Variants in TTC12 observed in about 807,000 individuals in gnomAD.
TTC12 encodes the protein tetratricopeptide repeat domain 12, also known as tetratricopeptide repeat protein 12.
A neutral mutation model predicts 90.1 loss-of-function variants in TTC12; 70 were observed. That is an observed-to-expected ratio of 0.78 (90% CI 0.64 to 0.95). The LOEUF (loss-of-function observed/expected upper bound fraction) is 0.95, where lower values mean the gene tolerates loss of function less well. Ranked by LOEUF, TTC12 falls within the 40% of genes least tolerant of loss-of-function variation. The pLI is 0.00. For synonymous variants in TTC12, 296 were observed against 311.5 expected, an observed-to-expected ratio of 0.95 and a Z score of 0.53; for missense variants, 819 against 846.1, an observed-to-expected ratio of 0.97 and a Z score of 0.40.
chr11:113,336,699 T>A (rs1948388115), intron 8 of TTC12, among the ~76,000 whole-genome samples: 2 of 152,224 alleles, frequency 1.3e-5, no homozygotes, highest in Non-Finnish European at 2.9e-5. Context: ...TACAGTTTTA[T>A]TCCATTGATC....
At chr11:113,363,967 G>T (rs1310311977) in intron 20 of TTC12, 40 bp downstream of exon 20, 3 of 1,413,882 alleles carry the variant, frequency 2.1e-6, no homozygotes, top group Non-Finnish European at 3.0e-6. Context: ...TGTCCCAGAG[G>T]TTCATCCACC....
intron 2 of TTC12, among the ~76,000 whole-genome samples, chr11:113,318,316 T>C (rs1039984720): frequency 1.1e-4 from 17 of 152,206 alleles, no homozygotes; most frequent in African/African-American, 3.9e-4. Context: ...CAAAATAGAC[T>C]GGCTGGCTTA....
chr11:113,359,998 G>C lies in TTC12; in HGVS notation c.1604G>C (p.Gly535Ala). The C allele has an allele frequency of 6.3e-7, 1 of 1,595,084 alleles. No individual in the cohort carries two copies. Among genetic ancestry groups the C allele is most frequent in the Non-Finnish European group, 8.5e-7 (1 of 1,170,384 alleles). Residue 535 changes from glycine to alanine, a missense_variant, in exon 18 of 22, where the codon GGA (glycine) becomes GCA (alanine). Physicochemically the swap from Gly to Ala is moderately conservative, Grantham distance 60. Coordinates refer to ENST00000529221, the MANE Select transcript of TTC12 (RefSeq NM_017868.4). Reference sequence around the variant, plus strand: ...TCTTTACTAAACAGCCAGGATGGAGGAATCCTGACAGTAAGTTTCTCCCAG... The same window carrying C: ...TCTTTACTAAACAGCCAGGATGGAGCAATCCTGACAGTAAGTTTCTCCCAG... ...CLSLLNSQDGGILTRAAGVLS... is the reference protein window; with the variant it reads ...CLSLLNSQDGAILTRAAGVLS...
At chr11:113,319,764 G>A (rs914661391) in intron 2 of TTC12, among the ~76,000 whole-genome samples, 9 of 151,932 alleles carry the variant, frequency 5.9e-5, no homozygotes, top group Admixed American at 1.3e-4. Context: ...GGAGGTTTTC[G>A]TGCTGGAAAG....
chr11:113,365,093 T>C (rs1382458700), intron 21 of TTC12, 33 bp downstream of exon 21: 4 of 1,596,094 alleles, frequency 2.5e-6, no homozygotes, highest in Non-Finnish European at 3.4e-6. Context: ...GGCTGACCTA[T>C]TGCAGAAAGA....
intron 14 of TTC12, 118 bp downstream of exon 14, chr11:113,350,283 A>G: frequency 2.7e-6 from 2 of 747,476 alleles, no homozygotes; most frequent in Non-Finnish European, 4.4e-6. Flanking sequence ...GAGTATTGCA[A>G]GATTCACTGA....
At chr11:113,319,895 A>G (rs1395580726) in intron 2 of TTC12, among the ~76,000 whole-genome samples, 1 of 152,148 alleles carries the variant, frequency 6.6e-6, no homozygotes, top group Non-Finnish European at 1.5e-5. Flanking sequence ...GTGAAAGTCA[A>G]CTCTAGGTGA....
chr11:113,346,212 G>A (rs17527717), intron 13 of TTC12, among the ~76,000 whole-genome samples: 4,731 of 152,126 alleles, frequency 0.031, 107 homozygotes, highest in Non-Finnish European at 0.05. Flanking sequence ...AGTCTTAAGC[G>A]TACTGAGTTT....
In TTC12 at chr11:113,358,473, CAG is replaced by C. The variant is rs1458265758; in HGVS notation, c.1447-889_1447-888del. ...AGAGCCCCCAAGACTGCTCAGCAAG[CAG>C]GTGTGGCCTGGCTGGGGCCCCAGGA... On this transcript the variant is annotated intron_variant, in intron 16 of 21. Transcript: ENST00000529221. Among the ~76,000 whole-genome samples, 32 of 152,286 alleles carry C rather than the reference CAG, an allele frequency of 2.1e-4. 1 individual carries two copies. Among genetic ancestry groups the C allele is most frequent in the Admixed American group, 2.0e-3 (30 of 15,300 alleles).
chr11:113,324,599 T>C lies in TTC12; in HGVS notation c.245-6T>C, dbSNP rs1947568476. ...TTTTTAATATCTGAAATTACCCTGC[T>C]GTCAGAGGCCTTCTTGGCATCTGTG... On this transcript the variant is annotated splice_polypyrimidine_tract_variant and splice_region_variant and intron_variant, in intron 4 of 21. Transcript: ENST00000529221. 11 of 1,611,016 alleles carry C rather than the reference T, an allele frequency of 6.8e-6. No homozygotes were observed. Among genetic ancestry groups the C allele is most frequent in the African/African-American group, 1.3e-5 (1 of 74,734 alleles).
intron 11 of TTC12, 128 bp downstream of exon 11, chr11:113,340,861 G>A: frequency 1.3e-6 from 1 of 754,136 alleles, no homozygotes; most frequent in Non-Finnish European, 2.3e-6. Flanking sequence ...AGTAGTGGGG[G>A]GCTCTCCAGG....
intron 2 of TTC12, among the ~76,000 whole-genome samples, chr11:113,321,102 G>A (rs1947300138): frequency 1.3e-5 from 2 of 152,260 alleles, no homozygotes; most frequent in East Asian, 1.9e-4. Flanking sequence ...GATAGGAGTA[G>A]GCTCTTCGTA....
At chr11:113,341,101 G>T (rs1948655097) in intron 11 of TTC12, among the ~76,000 whole-genome samples, 1 of 152,136 alleles carries the variant, frequency 6.6e-6, no homozygotes, top group African/African-American at 2.4e-5. Context: ...ATGGTGGCAG[G>T]CACCTGTAAT....
chr11:113,336,967 T>C (rs1388298661), intron 8 of TTC12, among the ~76,000 whole-genome samples: 1 of 152,244 alleles, frequency 6.6e-6, no homozygotes, highest in South Asian at 2.1e-4. Flanking sequence ...TATTAAGTCC[T>C]CCTATCCATG....
At position 113,316,326 on chromosome 11, in the gene TTC12, G is replaced by A. The variant is rs1219730314; in HGVS notation, c.58+11G>A. 3 of 1,338,324 alleles carry A rather than the reference G, an allele frequency of 2.2e-6. No homozygotes were observed. Among genetic ancestry groups the A allele is most frequent in the Non-Finnish European group, 3.0e-6 (3 of 999,820 alleles). The allele number at this position is 1,338,324 out of a possible 1,614,324, so 82.9% of individuals were successfully genotyped here. A position where few individuals can be genotyped will look rare whatever the true frequency, so the allele number is the denominator to read the frequency against. ...ATGTGGATGAAATCTGTAAGTACTAGTAAATCATAAATTAATTTCTGCTTT... is the reference window on the plus strand; with the variant it reads ...ATGTGGATGAAATCTGTAAGTACTAATAAATCATAAATTAATTTCTGCTTT... On this transcript the variant is annotated intron_variant, in intron 2 of 21. Coordinates refer to ENST00000529221, the MANE Select transcript of TTC12 (RefSeq NM_017868.4).
At chr11:113,368,714 G>C (rs947816435), downstream of TTC12, 14 of 578,740 alleles carry the variant, frequency 2.4e-5, no homozygotes, top group Non-Finnish European at 3.7e-5. Flanking sequence ...AACAGGTCAC[G>C]GGCTGCTATT....
At position 113,325,642 on chromosome 11, in the gene TTC12, C is replaced by G; in HGVS notation, c.441C>G (p.Ala147=). 7 of 1,613,814 alleles carry G rather than the reference C, an allele frequency of 4.3e-6. No homozygotes were observed. The highest frequency in any genetic ancestry group is 1.7e-4 in the Middle Eastern group (1 of 6,058). The change falls in exon 6 of 22, where the codon GCC becomes GCG. Residue 147 remains alanine, a synonymous_variant. Coordinates refer to ENST00000529221, the MANE Select transcript of TTC12 (RefSeq NM_017868.4). Reference sequence around the variant, plus strand: ...TGAAAGTGCTGTACACCAACCGAGCCCAGGTCAGTGAGGCAGGGATGTATC... The same window carrying G: ...TGAAAGTGCTGTACACCAACCGAGCGCAGGTCAGTGAGGCAGGGATGTATC... ...KDMKVLYTNR[A]QAYMKLEDYE...
intron 15 of TTC12, 139 bp downstream of exon 15, chr11:113,351,438 A>G: frequency 2.6e-6 from 2 of 759,692 alleles, no homozygotes; most frequent in Non-Finnish European, 4.4e-6. Context: ...GAATTTACAC[A>G]ATTCTCAGTT....
chr11:113,329,014 T>G (rs1049940375), intron 6 of TTC12, among the ~76,000 whole-genome samples: 4 of 152,258 alleles, frequency 2.6e-5, no homozygotes, highest in Admixed American at 2.6e-4. Flanking sequence ...ATATACCATA[T>G]TTTATGTATC....
Sources: gnomAD v4.1 joint callset for allele counts (sites outside exome capture counted in the v4.1 genomes callset) on GRCh38, gnomAD v4.1.1 for gene constraint, MANE v1.5 for transcripts, NCBI Gene and HGNC (gene_info 2026-07-23, HGNC 2026-07-21) for gene names.